Variants in TAF3 observed in about 807,000 individuals in gnomAD.
The protein encoded by TAF3 is transcription initiation factor TFIID subunit 3.
Under a neutral mutation model 80.6 loss-of-function variants are expected in TAF3, and 7 were observed. That is an observed-to-expected ratio of 0.09 (90% CI 0.05 to 0.16). The LOEUF (loss-of-function observed/expected upper bound fraction) is 0.16, where lower values mean the gene tolerates loss of function less well. Ranked by LOEUF, TAF3 falls within the 10% of genes least tolerant of loss-of-function variation. The pLI is 1.00. For synonymous variants in TAF3, 444 were observed against 446.1 expected (o/e 1.00, Z 0.06); for missense variants, 921 against 1,140.2 (o/e 0.81, Z 2.77).
At chr10:7,881,304 G>A (rs766079074) in intron 2 of TAF3, among the ~76,000 whole-genome samples, 8 of 150,790 alleles carry the variant, frequency 5.3e-5, no homozygotes, top group South Asian at 4.2e-4. Context: ...ACCATGTGTC[G>A]CAATACTTTA....
chr10:8,007,815 A>G (rs933720370), intron 4 of TAF3, among the ~76,000 whole-genome samples: 16 of 151,710 alleles, frequency 1.1e-4, no homozygotes, highest in Non-Finnish European at 1.9e-4. Flanking sequence ...TATAACCTCT[A>G]ACTTCTTATA....
At chr10:7,871,435 C>CTTTTTTTTTGTTTTTTTT (rs1837264107) in intron 2 of TAF3, among the ~76,000 whole-genome samples, 1 of 69,116 alleles carries the variant, frequency 1.4e-5, no homozygotes, top group Non-Finnish European at 2.9e-5. Context: ...ATAACTGCTG[C>CTTTTTTTTTGTTTTTTTT]TTTTTTTTTT....
At chr10:7,941,793 C>T (rs1017908610) in intron 2 of TAF3, among the ~76,000 whole-genome samples, 2 of 152,108 alleles carry the variant, frequency 1.3e-5, no homozygotes, top group Non-Finnish European at 2.9e-5. Context: ...TTTTTACACT[C>T]GTGGGTGCTT....
chr10:7,966,229 T>C (rs552711624), intron 3 of TAF3, among the ~76,000 whole-genome samples: 7 of 152,340 alleles, frequency 4.6e-5, no homozygotes, highest in South Asian at 2.1e-4. Context: ...CATTTTGGCA[T>C]GTGTTTAGGA....
chr10:7,981,724 C>T (rs1304326361), intron 4 of TAF3, among the ~76,000 whole-genome samples: 2 of 152,170 alleles, frequency 1.3e-5, no homozygotes, highest in African/African-American at 4.8e-5. Flanking sequence ...ATCATCAGCC[C>T]TCGTCCTAAC....
At chr10:7,997,703 G>A (rs1190460894) in intron 4 of TAF3, among the ~76,000 whole-genome samples, 3 of 152,276 alleles carry the variant, frequency 2.0e-5, no homozygotes, top group Admixed American at 2.0e-4. Flanking sequence ...GACCAGCTGT[G>A]GGCGGTATTG....
At chr10:7,841,687 G>T (rs1012254672) in intron 2 of TAF3, among the ~76,000 whole-genome samples, 14 of 152,118 alleles carry the variant, frequency 9.2e-5, no homozygotes, top group African/African-American at 3.1e-4. Context: ...ATATTGGATG[G>T]TCAGGATTTG....
At chr10:7,996,499 G>C (rs1831888675) in intron 4 of TAF3, among the ~76,000 whole-genome samples, 1 of 152,180 alleles carries the variant, frequency 6.6e-6, no homozygotes, top group Non-Finnish European at 1.5e-5. Flanking sequence ...CTTGGGCTTA[G>C]TATTTCTGGG....
At chr10:8,002,256 C>T (rs540981913) in intron 4 of TAF3, among the ~76,000 whole-genome samples, 214 of 152,276 alleles carry the variant, frequency 1.4e-3, no homozygotes, top group African/African-American at 4.6e-3. Flanking sequence ...TGCTCTGTTT[C>T]TTCTCTTTTC....
intron 2 of TAF3, among the ~76,000 whole-genome samples, chr10:7,867,326 T>G (rs961109922): frequency 1.3e-5 from 2 of 152,236 alleles, no homozygotes; most frequent in African/African-American, 4.8e-5. Flanking sequence ...GTATGCATTT[T>G]AAAATTATTT....
At chr10:7,991,353 ATAAT>A (rs1419720402) in intron 4 of TAF3, among the ~76,000 whole-genome samples, 10 of 152,322 alleles carry the variant, frequency 6.6e-5, no homozygotes, top group Middle Eastern at 3.4e-3. Context: ...TATTCATTAA[ATAAT>A]TTATTAATGT....
At chr10:7,824,104 T>C (rs566829978) in intron 1 of TAF3, among the ~76,000 whole-genome samples, 1 of 152,338 alleles carries the variant, frequency 6.6e-6, no homozygotes, top group East Asian at 1.9e-4. Flanking sequence ...TGTGGTGTTC[T>C]GGCTAGTTGT....
intron 1 of TAF3, among the ~76,000 whole-genome samples, chr10:7,823,227 G>A (rs566701662): frequency 1.3e-5 from 2 of 152,162 alleles, no homozygotes; most frequent in African/African-American, 2.4e-5. Context: ...TTGAGTGCCA[G>A]CTATGTGCCA....
At chr10:7,819,926 G>C (rs549915740) in intron 1 of TAF3, among the ~76,000 whole-genome samples, 3 of 152,258 alleles carry the variant, frequency 2.0e-5, no homozygotes, top group African/African-American at 7.2e-5. Context: ...GCACAGATCT[G>C]ATCCTGTCAT....
At chr10:7,951,688 G>C (rs1346665904) in intron 2 of TAF3, among the ~76,000 whole-genome samples, 1 of 152,182 alleles carries the variant, frequency 6.6e-6, no homozygotes, top group Non-Finnish European at 1.5e-5. Flanking sequence ...CATTTTTACA[G>C]TCTGACTCGT....
intron 2 of TAF3, among the ~76,000 whole-genome samples, chr10:7,881,842 G>C (rs1022864728): frequency 6.6e-6 from 1 of 152,134 alleles, no homozygotes; most frequent in Non-Finnish European, 1.5e-5. Flanking sequence ...CTGTGCCCTA[G>C]TTAACGCATT....
At chr10:7,969,000 A>G (rs576680445) in intron 3 of TAF3, among the ~76,000 whole-genome samples, 55 of 152,304 alleles carry the variant, frequency 3.6e-4, no homozygotes, top group Non-Finnish European at 6.3e-4. Context: ...ATAGAACCAC[A>G]TTAACTTTTT....
intron 2 of TAF3, among the ~76,000 whole-genome samples, chr10:7,950,239 A>G (rs1482985499): frequency 6.6e-6 from 1 of 152,170 alleles, no homozygotes; most frequent in Non-Finnish European, 1.5e-5. Context: ...AAAAGACAGT[A>G]TTACTCTTGA....
intron 2 of TAF3, among the ~76,000 whole-genome samples, chr10:7,914,338 T>C (rs944939873): frequency 6.6e-6 from 1 of 152,254 alleles, no homozygotes; most frequent in Admixed American, 6.5e-5. Flanking sequence ...TGTTAACCCC[T>C]TGGGGGAGAT....
Sources: gnomAD v4.1 joint callset for allele counts (sites outside exome capture counted in the v4.1 genomes callset) on GRCh38, gnomAD v4.1.1 for gene constraint, MANE v1.5 for transcripts, NCBI Gene and HGNC (gene_info 2026-07-23, HGNC 2026-07-21) for gene names.